Variants in EEPD1 observed in about 807,000 individuals in gnomAD.
The protein encoded by EEPD1 is endonuclease/exonuclease/phosphatase family domain containing 1.
EEPD1 carries 17 observed loss-of-function variants against 46.3 expected under a neutral mutation model. That is an observed-to-expected ratio of 0.37 (90% CI 0.25 to 0.55). EEPD1 has a LOEUF of 0.55. Among genes scored for constraint, EEPD1 ranks in the 20% least tolerant of loss-of-function variants. The pLI is 0.83. For synonymous variants in EEPD1, 313 were observed against 315.6 expected (o/e 0.99, Z 0.09); for missense variants, 673 against 745.6 (o/e 0.90, Z 1.13).
intron 3 of EEPD1, among the ~76,000 whole-genome samples, chr7:36,276,832 G>A (rs1454760209): frequency 2.6e-5 from 4 of 152,224 alleles, no homozygotes; most frequent in Admixed American, 2.6e-4. Context: ...ACCAGATGGG[G>A]ATAGGTGATG....
rs188771299 is a variant in EEPD1, at chr7:36,291,506, G to C, written c.1315+3729G>C. Among the ~76,000 whole-genome samples the C allele has an allele frequency of 3.2e-4, 48 of 152,312 alleles. No individual in the cohort carries two copies. In the East Asian group the frequency reaches 6.8e-3, roughly 21 times the overall value. Reference sequence around the variant, plus strand: ...GGCTGTTAAGTGCGGTGCTATCGAGGAAGTGGTCAGCACAGTGCCATGACT... The same window carrying C: ...GGCTGTTAAGTGCGGTGCTATCGAGCAAGTGGTCAGCACAGTGCCATGACT... On this transcript the variant is annotated intron_variant, in intron 6 of 7. Coordinates refer to ENST00000242108, the MANE Select transcript of EEPD1 (RefSeq NM_030636.3).
intron 3 of EEPD1, among the ~76,000 whole-genome samples, chr7:36,274,192 C>G (rs1787152370): frequency 6.6e-6 from 1 of 152,252 alleles, no homozygotes; most frequent in Non-Finnish European, 1.5e-5. Context: ...TGAGAAATCT[C>G]TCTCATACAG....
intron 3 of EEPD1, among the ~76,000 whole-genome samples, chr7:36,250,069 A>G (rs1786709775): frequency 1.3e-5 from 2 of 152,094 alleles, no homozygotes; most frequent in South Asian, 2.1e-4. Context: ...AAAGTTTTTA[A>G]AAGTTAGCTG....
At chr7:36,255,682 T>C (rs1786818165) in intron 3 of EEPD1, among the ~76,000 whole-genome samples, 1 of 152,242 alleles carries the variant, frequency 6.6e-6, no homozygotes. Flanking sequence ...ATATCCCCTT[T>C]ATCATTTTCT....
At chr7:36,283,241 G>C (rs936313542) in intron 4 of EEPD1, among the ~76,000 whole-genome samples, 1 of 152,220 alleles carries the variant, frequency 6.6e-6, no homozygotes, top group Non-Finnish European at 1.5e-5. Context: ...CCTAGGTCAG[G>C]GGCATTGGGA....
chr7:36,248,994 A>AACACACACAC (rs71553052), intron 3 of EEPD1, among the ~76,000 whole-genome samples: 19,725 of 135,156 alleles, frequency 0.15, 1,806 homozygotes, highest in Non-Finnish European at 0.17. Flanking sequence ...TGGTTCATTA[A>AACACACACAC]ACACACACAC....
intron 2 of EEPD1, among the ~76,000 whole-genome samples, chr7:36,221,249 G>T (rs12539219): frequency 6.6e-6 from 1 of 152,008 alleles, no homozygotes; most frequent in Non-Finnish European, 1.5e-5. Context: ...GCTCTGTTCC[G>T]TATCATCTTT....
rs771721685 is a variant in EEPD1 at position 36,287,710 on chromosome 7, C to T, written c.1248C>T (p.Pro416=). ...AALTLLGSEN[P]SKNHSDGHRL... ...TGACCCTCCTGGGGAGCGAGAATCC[C>T]AGCAAGAATCACAGTGATGGCCACC... Residue 416 remains proline, a synonymous_variant, in exon 6 of 8, where the codon CCC becomes CCT. Coordinates refer to ENST00000242108, the MANE Select transcript of EEPD1 (RefSeq NM_030636.3). 42 of 1,614,062 alleles carry T rather than the reference C, an allele frequency of 2.6e-5. No individual in the cohort carries two copies. Among genetic ancestry groups the T allele is most frequent in the Non-Finnish European group, 1.6e-5 (19 of 1,180,034 alleles).
chr7:36,177,399 G>GT (rs944661478), intron 2 of EEPD1, among the ~76,000 whole-genome samples: 26 of 152,230 alleles, frequency 1.7e-4, no homozygotes, highest in Non-Finnish European at 1.3e-4. Flanking sequence ...CCAGTAGGGA[G>GT]TTTTTTCAAC....
chr7:36,280,593 G>A (rs1400031661), intron 3 of EEPD1, among the ~76,000 whole-genome samples: 4 of 152,222 alleles, frequency 2.6e-5, no homozygotes, highest in African/African-American at 7.2e-5. Flanking sequence ...CCGCGTGCAC[G>A]TGTGTGGGTG....
In EEPD1 at chr7:36,154,151, A is replaced by AT. The variant is rs1784772207; in HGVS notation, c.-170dup. 5 of 753,006 alleles carry AT rather than the reference A, an allele frequency of 6.6e-6. No homozygotes were observed. The Admixed American group carries it at 1.5e-4, about 23-fold the overall frequency. 46.6% of individuals were successfully genotyped at this position (753,006 alleles called of 1,614,324 possible). On this transcript the variant is annotated 5_prime_UTR_variant, in exon 2 of 8. Coordinates refer to ENST00000242108, the MANE Select transcript of EEPD1 (RefSeq NM_030636.3). This position sits in a 1 kb window ranked among gnomAD's most constrained non-coding sequence, Gnocchi z 4.2. The stretch of plus-strand genomic sequence containing the variant: ...TTTCTAGGCGGCCAAGTGAAAGGTA[A>AT]TTTTGGACACGCCAGGCATGGAAGA...
chr7:36,220,647 C>A (rs1039494559), intron 2 of EEPD1, among the ~76,000 whole-genome samples: 1 of 152,154 alleles, frequency 6.6e-6, no homozygotes, highest in Non-Finnish European at 1.5e-5. Context: ...CTAATGGCAT[C>A]GACTCCATCT....
At chr7:36,218,399 T>TAA (rs34209801) in intron 2 of EEPD1, among the ~76,000 whole-genome samples, 25 of 150,700 alleles carry the variant, frequency 1.7e-4, no homozygotes, top group Non-Finnish European at 2.2e-4. Context: ...AGGAAAAAAC[T>TAA]AAAAAAAAAA....
chr7:36,188,940 A>G (rs1477922567), intron 2 of EEPD1, among the ~76,000 whole-genome samples: 2 of 152,202 alleles, frequency 1.3e-5, no homozygotes, highest in Non-Finnish European at 2.9e-5. Flanking sequence ...GCTTTATTAT[A>G]AGTTATTAGT....
chr7:36,199,950 A>C (rs1217241365), intron 2 of EEPD1, among the ~76,000 whole-genome samples: 1 of 152,184 alleles, frequency 6.6e-6, no homozygotes, highest in Non-Finnish European at 1.5e-5. Context: ...GGCCCTATGT[A>C]GGCATTTATA....
At chr7:36,203,487 G>A (rs1439087723) in intron 2 of EEPD1, among the ~76,000 whole-genome samples, 3 of 152,192 alleles carry the variant, frequency 2.0e-5, no homozygotes, top group South Asian at 2.1e-4. Flanking sequence ...AGGAGAGGCT[G>A]GTGTTTTTAA....
At chr7:36,284,913 T>G in intron 5 of EEPD1, 93 bp downstream of exon 5, 1 of 1,379,898 alleles carries the variant, frequency 7.2e-7, no homozygotes, top group Non-Finnish European at 9.4e-7. Context: ...GTAAGAGAAG[T>G]CTCGTCTTTT....
chr7:36,226,373 A>C (rs921619492), intron 2 of EEPD1, among the ~76,000 whole-genome samples: 2 of 152,180 alleles, frequency 1.3e-5, no homozygotes, highest in East Asian at 3.8e-4. Context: ...GCTCCCGGCC[A>C]CAGAAGCGGG....
intron 2 of EEPD1, among the ~76,000 whole-genome samples, chr7:36,218,819 C>T (rs1406996301): frequency 6.6e-6 from 1 of 152,048 alleles, no homozygotes; most frequent in African/African-American, 2.4e-5. Context: ...GTTATGGTGG[C>T]TTGACAAGCT....
Sources: allele counts gnomAD v4.1 joint callset (sites outside exome capture counted in the v4.1 genomes callset), GRCh38; gene constraint gnomAD v4.1.1; non-coding constraint Gnocchi (gnomAD v3.1); transcripts MANE v1.5; gene names NCBI Gene and HGNC (gene_info 2026-07-23, HGNC 2026-07-21).